The following ZNF438 variants were observed in gnomAD, a reference collection of about 807,000 sequenced individuals.
The protein encoded by ZNF438 is zinc finger protein 438.
ZNF438 carries 25 observed loss-of-function variants against 38.0 expected under a neutral mutation model. That is an observed-to-expected ratio of 0.66 (90% CI 0.48 to 0.92). ZNF438 has a LOEUF of 0.92. ZNF438 is among the 40% of genes least tolerant of loss of function. The pLI is 0.00. For missense variants in ZNF438, 1,007 were observed against 999.6 expected (o/e 1.01, Z -0.10); for synonymous variants, 372 against 364.1 (o/e 1.02, Z -0.25).
chr10:30,869,588 T>C (rs780858020), intron 4 of ZNF438, among the ~76,000 whole-genome samples: 44 of 152,338 alleles, frequency 2.9e-4, no homozygotes, highest in Non-Finnish European at 5.7e-4. Flanking sequence ...ATGTGTGTGT[T>C]TTCCATTTGT....
chr10:30,912,890 T>C (rs2043223698), intron 2 of ZNF438, among the ~76,000 whole-genome samples: 1 of 152,170 alleles, frequency 6.6e-6, no homozygotes, highest in African/African-American at 2.4e-5. Context: ...GCTGCTGGAA[T>C]TCCCTCGCTG....
At chr10:30,859,958 C>A (rs1313106582) in intron 4 of ZNF438, among the ~76,000 whole-genome samples, 1 of 152,218 alleles carries the variant, frequency 6.6e-6, no homozygotes. Context: ...AAAATGAAGA[C>A]CTCAGAAGCA....
intron 1 of ZNF438, among the ~76,000 whole-genome samples, chr10:31,015,837 A>G (rs2056148532): frequency 6.6e-6 from 1 of 152,230 alleles, no homozygotes; most frequent in African/African-American, 2.4e-5. Flanking sequence ...CCTTGCTAGC[A>G]GATGGCTGTA....
At chr10:30,961,892 GA>G (rs947031672) in intron 1 of ZNF438, among the ~76,000 whole-genome samples, 1,184 of 67,086 alleles carry the variant, frequency 0.018, 34 homozygotes, top group African/African-American at 0.035. Flanking sequence ...CATCCCAAAA[GA>G]AAAAAAAAAA....
exon 5 of ZNF438, chr10:30,848,874 C>A (rs148964717): frequency 1.2e-6 from 2 of 1,614,064 alleles, no homozygotes; most frequent in Non-Finnish European, 1.7e-6. Context: ...TGGTTGCAGA[C>A]GTGACATCTG....
chr10:30,994,349 G>A (rs1194009321), intron 1 of ZNF438, among the ~76,000 whole-genome samples: 1 of 152,232 alleles, frequency 6.6e-6, no homozygotes, highest in Non-Finnish European at 1.5e-5. Flanking sequence ...TTGAGAAGTA[G>A]TACTTTTAAG....
At chr10:30,949,255 A>G (rs2135727702) in intron 1 of ZNF438, among the ~76,000 whole-genome samples, 1 of 152,114 alleles carries the variant, frequency 6.6e-6, no homozygotes, top group South Asian at 2.1e-4. Flanking sequence ...AGGAAGCGCT[A>G]AACATGGAAA....
At chr10:30,899,743 T>G (rs1332802598) in intron 3 of ZNF438, among the ~76,000 whole-genome samples, 2 of 152,066 alleles carry the variant, frequency 1.3e-5, no homozygotes, top group Non-Finnish European at 2.9e-5. Context: ...TGAATATGTA[T>G]AGTTTTTGGC....
chr10:30,971,071 T>C (rs1395409202), intron 1 of ZNF438, among the ~76,000 whole-genome samples: 1 of 152,224 alleles, frequency 6.6e-6, no homozygotes, highest in African/African-American at 2.4e-5. Flanking sequence ...TAAAAAATCA[T>C]TCCAAATGTT....
Position 30,971,634 on chromosome 10 carries a change from GA to G in ZNF438, c.-191-29984del, listed in dbSNP as rs1230443916. On this transcript the variant is annotated intron_variant, in intron 1 of 5. Transcript: ENST00000413025. Reference sequence around the variant, plus strand: ...TCCATAGTTGATTTCAGTATTACATGAAAAAAAGTTTACTTTTTTTATAGTT... The same window carrying G: ...TCCATAGTTGATTTCAGTATTACATGAAAAAAGTTTACTTTTTTTATAGTT... 9.9e-5 allele frequency among the ~76,000 whole-genome samples: 15 copies of G among 152,098 alleles called. No individual in the cohort carries two copies. The East Asian group carries it at 1.5e-3, about 16-fold the overall frequency.
In ZNF438 at chr10:30,848,746, G is replaced by GT. The variant is rs1176548929; in HGVS notation, c.1658dup (p.His553GlnfsTer8). On this transcript the variant is annotated frameshift_variant, in exon 5 of 6. Transcript: ENST00000413025. LOFTEE classifies it high-confidence loss of function. ...GGTTCTCACCATGATGAAGTTTCAT[G>GT]TGTGTGCTCAGGCTGCCAGGACGTA... The GT allele has an allele frequency of 5.6e-6, 9 of 1,614,002 alleles. No homozygotes were observed. The Admixed American group carries it at 1.5e-4, about 27-fold the overall frequency.
intron 4 of ZNF438, among the ~76,000 whole-genome samples, chr10:30,869,511 G>A (rs1372389193): frequency 6.6e-6 from 1 of 151,918 alleles, no homozygotes; most frequent in Non-Finnish European, 1.5e-5. Context: ...ATATATGGCT[G>A]GTCTACTTTA....
intron 4 of ZNF438, among the ~76,000 whole-genome samples, chr10:30,866,463 G>A (rs1564521450): frequency 6.6e-6 from 1 of 152,186 alleles, no homozygotes; most frequent in Non-Finnish European, 1.5e-5. Context: ...TTTCTTTCAA[G>A]TGGCAATTGG....
intron 2 of ZNF438, among the ~76,000 whole-genome samples, chr10:30,935,829 T>C (rs919972038): frequency 6.6e-6 from 1 of 151,942 alleles, no homozygotes; most frequent in Non-Finnish European, 1.5e-5. Context: ...AACCATCAGA[T>C]CTTGTGAGAA....
chr10:30,903,858 A>T (rs2042305308), intron 3 of ZNF438, among the ~76,000 whole-genome samples: 1 of 152,206 alleles, frequency 6.6e-6, no homozygotes, highest in South Asian at 2.1e-4. Context: ...TCTTGAAAAC[A>T]GTGTGATGCA....
intron 4 of ZNF438, 124 bp downstream of exon 5, chr10:30,876,874 A>G: frequency 1.6e-6 from 1 of 640,556 alleles, no homozygotes; most frequent in Non-Finnish European, 2.3e-6. Flanking sequence ...TTCATATATA[A>G]TTATAATTTT....
At chr10:30,985,623 T>A (rs954253509) in intron 1 of ZNF438, among the ~76,000 whole-genome samples, 2 of 152,238 alleles carry the variant, frequency 1.3e-5, no homozygotes, top group African/African-American at 2.4e-5. Context: ...CACTTGACAT[T>A]GCTTTAATTG....
intron 5 of ZNF438, among the ~76,000 whole-genome samples, chr10:30,846,239 GAGA>G (rs778894501): frequency 3.3e-5 from 5 of 152,170 alleles, no homozygotes; most frequent in Non-Finnish European, 5.9e-5. Context: ...TGGGGAAGAG[GAGA>G]AGATTTCATA....
chr10:30,877,150 T>A, intron 3 of ZNF438, 85 bp from the exon 5 acceptor site: 1 of 676,572 alleles, frequency 1.5e-6, no homozygotes, highest in Non-Finnish European at 2.3e-6. Context: ...TTCTAAGCTG[T>A]TTTTTAAAGT....
Sources: allele counts gnomAD v4.1 joint callset (sites outside exome capture counted in the v4.1 genomes callset), GRCh38; gene constraint gnomAD v4.1.1; transcripts MANE v1.5; gene names NCBI Gene and HGNC (gene_info 2026-07-23, HGNC 2026-07-21).